The following L1CAM variants were observed in gnomAD, a reference collection of about 807,000 sequenced individuals.
L1CAM encodes neural cell adhesion molecule L1.
A neutral mutation model predicts 93.0 loss-of-function variants in L1CAM; 8 were observed. That is an observed-to-expected ratio of 0.09 (90% CI 0.05 to 0.16). The LOEUF (loss-of-function observed/expected upper bound fraction) is 0.16, where lower values mean the gene tolerates loss of function less well. Ranked by LOEUF, L1CAM falls within the 10% of genes least tolerant of loss-of-function variation. The pLI is 1.00. For synonymous variants in L1CAM, 453 were observed against 453.0 expected (o/e 1.00, Z 0.00); for missense variants, 777 against 1,073.4 (o/e 0.72, Z 3.86).
chrX:153,884,828 T>A (rs2064868958), intron 1 of L1CAM, among the ~76,000 whole-genome samples: 1 of 112,993 alleles, frequency 8.9e-6, no homozygotes, highest in South Asian at 3.6e-4. Flanking sequence ...AAGATGATGC[T>A]GGGCAGCAGC....
intron 2 of L1CAM, 46 bp from the exon 3 acceptor site, chrX:153,873,288 C>T (rs1557093765): frequency 1.7e-6 from 2 of 1,172,340 alleles, no homozygotes; most frequent in Non-Finnish European, 2.3e-6. Context: ...GAGAGAAATA[C>T]TGACAGGCAG....
At position 153,862,720 on chromosome X, in the gene L1CAM, C is replaced by G; in HGVS notation, c.3717G>C (p.Gly1239=). 2 of 1,212,191 alleles carry G rather than the reference C, an allele frequency of 1.6e-6. No individual in the cohort carries two copies. Among genetic ancestry groups the G allele is most frequent in the Non-Finnish European group, 2.2e-6 (2 of 895,508 alleles). Residue 1239 remains glycine, a synonymous_variant, in exon 29 of 29, where the codon GGG becomes GGC. Coordinates refer to ENST00000370060, the MANE Select transcript of L1CAM (RefSeq NM_001278116.2). The part of the protein sequence containing the change: ...YSGKKEKEAA[G]GNDSSGATSP... ...AAGTGGCCCCTGAGCTGTCATTGCC[C>G]CCTGCCGCCTCCTTCTCCTTCTTGC...
rs782654081 is a variant in L1CAM at position 153,884,529 on chromosome X, C to T, written c.-109+1536G>A. On this transcript the variant is annotated intron_variant, in intron 1 of 28. Transcript: ENST00000370060. ...GTCCTACAATAAGATGTATTACTTTCGGGATCATACACACACAAACATCAA... is the reference window on the plus strand; with the variant it reads ...GTCCTACAATAAGATGTATTACTTTTGGGATCATACACACACAAACATCAA... The T allele has an allele frequency of 1.6e-4, 33 of 207,681 alleles. No homozygotes were observed. The South Asian group carries it at 2.2e-3, about 14-fold the overall frequency. 17.1% of individuals were successfully genotyped at this position (207,681 alleles called of 1,213,427 possible).
In L1CAM at chrX:153,870,099, G is replaced by A; in HGVS notation, c.948C>T (p.Asn316=). The change falls in exon 9 of 29, where the codon AAC becomes AAT. Residue 316 remains asparagine (N), a synonymous_variant. Coordinates refer to ENST00000370060, the MANE Select transcript of L1CAM (RefSeq NM_001278116.2). ...DDGEYRCLAE[N]SLGSARHAYY... The stretch of plus-strand genomic sequence containing the variant: ...ACGCATGCCGGGCACTGCCCAGTGA[G>A]TTCTCGGCCAGGCAGCGGTACTCGC... The A allele has an allele frequency of 8.3e-7, 1 of 1,211,970 alleles. No individual in the cohort carries two copies. The highest frequency in any genetic ancestry group is 1.1e-6 in the Non-Finnish European group (1 of 895,552).
chrX:153,875,936 G>T lies in L1CAM; in HGVS notation c.-100C>A, dbSNP rs1441009393. ...GGGCGGCTTGGGGCGGGAGTTGGGA[G>T]TGGGGGCACTGGGAGAGGGGAGAAG... On this transcript the variant is annotated 5_prime_UTR_variant, in exon 2 of 29. Coordinates refer to ENST00000370060, the MANE Select transcript of L1CAM (RefSeq NM_001278116.2). 1.5e-6 allele frequency: 1 copy of T among 673,140 alleles called. No homozygotes were observed. The highest frequency in any genetic ancestry group is 3.4e-5 in the East Asian group (1 of 29,675). The allele number at this position is 673,140 out of a possible 1,213,427, so 55.5% of individuals were successfully genotyped here.
chrX:153,878,646 C>T (rs2064827997), intron 1 of L1CAM, among the ~76,000 whole-genome samples: 1 of 111,790 alleles, frequency 8.9e-6, no homozygotes, highest in South Asian at 3.7e-4. Context: ...GAGCACTGGT[C>T]TTAGGAGGGG....
rs1261661936 is a variant in L1CAM at position 153,867,620 on chromosome X, T to C, written c.1940-67A>G. 6.6e-6 allele frequency: 7 copies of C among 1,062,723 alleles called. No individual in the cohort carries two copies. In the East Asian group the frequency reaches 1.2e-4, roughly 18 times the overall value. 87.6% of individuals were successfully genotyped at this position (1,062,723 alleles called of 1,213,427 possible). On this transcript the variant is annotated intron_variant, in intron 16 of 28. Transcript: ENST00000370060. ...CTTTGGGGGAAGGGCTGTGGAGGGG[T>C]TGGGTACAGTCTGGGTCCCTGATTA...
Position 153,873,331 on chromosome X carries a change from T to A in L1CAM, c.77-89A>T, listed in dbSNP as rs1557093779. ...GTGGGGCAGATGGCAGGGGACATAG[T>A]AAGCTCCTGCAGCCCCCCCGTGGAG... On this transcript the variant is annotated intron_variant, in intron 2 of 28. Transcript: ENST00000370060. 6.3e-6 allele frequency: 6 copies of A among 956,711 alleles called. No individual in the cohort carries two copies. In the Admixed American group the frequency reaches 8.8e-5, roughly 14 times the overall value. The allele number at this position is 956,711 out of a possible 1,213,427, so 78.8% of individuals were successfully genotyped here. A position where few individuals can be genotyped will look rare whatever the true frequency, so the allele number is the denominator to read the frequency against.
chrX:153,863,599 G>A (rs782556218), intron 26 of L1CAM, 50 bp from the exon 27 acceptor site: 1 of 1,101,460 alleles, frequency 9.1e-7, no homozygotes, highest in African/African-American at 1.8e-5. Flanking sequence ...GCCTGACCCG[G>A]GGCTCCAGGC....
chrX:153,864,508 G>A (rs1557090075), intron 24 of L1CAM, 31 bp from the exon 25 acceptor site: 4 of 1,209,541 alleles, frequency 3.3e-6, no homozygotes, highest in Admixed American at 2.2e-5. Context: ...CAGCAGGGGT[G>A]AGTCGGAGTG....
In L1CAM at chrX:153,871,095, G is replaced by A. The variant is rs2064765578; in HGVS notation, c.485C>T (p.Pro162Leu). ...ESVVLPCNPP[P>L]SAEPLRIYWM... Reference sequence around the variant, plus strand: ...GTAGATCCGGAGAGGCTCTGCACTTGGGGGAGGGTTGCAAGGCAGAACCAC... The same window carrying A: ...GTAGATCCGGAGAGGCTCTGCACTTAGGGGAGGGTTGCAAGGCAGAACCAC... The change falls in exon 6 of 29, where the codon CCA becomes CTA. Residue 162 changes from proline to leucine, a missense_variant. Physicochemically the swap from Pro to Leu is moderately conservative, Grantham distance 98 (BLOSUM62 -3). Transcript: ENST00000370060. The A allele has an allele frequency of 1.7e-6, 2 of 1,210,785 alleles. No homozygotes were observed. Among genetic ancestry groups the A allele is most frequent in the Non-Finnish European group, 2.2e-6 (2 of 895,117 alleles).
intron 1 of L1CAM, chrX:153,884,252 C>T: frequency 3.9e-6 from 4 of 1,013,572 alleles, no homozygotes; most frequent in Non-Finnish European, 2.6e-6. Flanking sequence ...GACTGCCCAT[C>T]GCTGGGATCC....
chrX:153,868,915 C>G lies in L1CAM; in HGVS notation c.1305G>C (p.Thr435=). 8.3e-7 allele frequency: 1 copy of G among 1,211,354 alleles called. No individual in the cohort carries two copies. Residue 435 remains threonine, a synonymous_variant, in exon 12 of 29, where the codon ACG becomes ACC. Transcript: ENST00000370060. ...PAKILTADNQ[T]YMAVQGSTAY... is the part of the protein sequence containing the mutation. ...CAGTGCTGCCCTGGACAGCCATGTA[C>G]GTCTGATTGTCCGCAGTCAGGATCT...
chrX:153,868,071 G>A lies in L1CAM; in HGVS notation c.1755C>T (p.Asp585=), dbSNP rs2148496241. 8.3e-7 allele frequency: 1 copy of A among 1,210,563 alleles called. No individual in the cohort carries two copies. The highest frequency in any genetic ancestry group is 3.0e-5 in the East Asian group (1 of 33,812). ...RLVIHSLDYS[D]QGNYSCVAST... is the part of the protein sequence containing the mutation. ...TGGCCACGCAGCTGTAGTTGCCCTG[G>A]TCGCTGTAGTCCAGGCTGTGGATGA... The change falls in exon 15 of 29, where the codon GAC becomes GAT. Residue 585 remains aspartate (D), a synonymous_variant. Transcript: ENST00000370060.
At chrX:153,870,585 GC>G in intron 7 of L1CAM, 86 bp from the exon 8 acceptor site, 1 of 848,903 alleles carries the variant, frequency 1.2e-6, no homozygotes, top group Non-Finnish European at 1.7e-6. Context: ...ACTCCAGCCA[GC>G]CCCCGGGGCC....
At chrX:153,884,089 C>T in intron 1 of L1CAM, 1 of 615,069 alleles carries the variant, frequency 1.6e-6, no homozygotes, top group Non-Finnish European at 2.4e-6. Flanking sequence ...CTTTGCCTCC[C>T]TTTTCCCTTC....
chrX:153,864,475 C>T lies in L1CAM; in HGVS notation c.3169G>A (p.Glu1057Lys), dbSNP rs782180684. 15 of 1,208,869 alleles carry T rather than the reference C, an allele frequency of 1.2e-5. No homozygotes were observed. Among genetic ancestry groups the T allele is most frequent in the African/African-American group, 1.7e-5 (1 of 57,325 alleles). Residue 1057 changes from glutamate (E) to lysine (K), a missense_variant and splice_region_variant, in exon 25 of 29, where the codon GAG becomes AAG. Coordinates refer to ENST00000370060, the MANE Select transcript of L1CAM (RefSeq NM_001278116.2). ...GGCGAAAGGGAAGCCCCACCCTTCT[C>T]TTCTGCCAGGGAGAGAGGGTGGCAG... ...FHILFKALGEEKGGASLSPQY... is the reference protein window; with the variant it reads ...FHILFKALGEKKGGASLSPQY...
rs782671122 is a variant in L1CAM at position 153,863,598 on chromosome X, G to A, written c.3458-49C>T. On this transcript the variant is annotated intron_variant, in intron 26 of 28. Transcript: ENST00000370060. ...TTCTTCTCCCGCCCCAGCCTGACCC[G>A]GGGCTCCAGGCCCCTCTACGCCCCG... 5.7e-5 allele frequency: 62 copies of A among 1,093,963 alleles called. 1 individual carries two copies. In the South Asian group the frequency reaches 7.8e-4, roughly 14 times the overall value. The allele number at this position is 1,093,963 out of a possible 1,213,427, so 90.2% of individuals were successfully genotyped here.
At chrX:153,872,006 G>C (rs2064774907) in intron 5 of L1CAM, 146 bp downstream of exon 5, 1 of 500,514 alleles carries the variant, frequency 2.0e-6, no homozygotes, top group African/African-American at 2.3e-5. Flanking sequence ...AACAAGATGG[G>C]CCAGGGGAGA....
Sources: allele counts gnomAD v4.1 joint callset (sites outside exome capture counted in the v4.1 genomes callset), GRCh38; gene constraint gnomAD v4.1.1; transcripts MANE v1.5; gene names NCBI Gene and HGNC (gene_info 2026-07-23, HGNC 2026-07-21).